TCEANC2: variants seen among roughly 807,000 people sequenced by gnomAD.
The protein encoded by TCEANC2 is transcription elongation factor A N-terminal and central domain containing 2, also known as transcription elongation factor A N-terminal and central domain-containing protein 2.
TCEANC2 carries 20 observed loss-of-function variants against 22.8 expected under a neutral mutation model. The ratio of observed to expected loss-of-function variants is 0.88; its 90% CI spans 0.62 to 1.28. The LOEUF (loss-of-function observed/expected upper bound fraction) is 1.28, where lower values mean the gene tolerates loss of function less well. Ranked by LOEUF, TCEANC2 falls within the 50% of genes most tolerant of loss-of-function variation. The pLI, the probability that TCEANC2 is intolerant of heterozygous loss-of-function variation, is 0.00. For synonymous variants in TCEANC2, 84 were observed against 95.5 expected (o/e 0.88, Z 0.70); for missense variants, 251 against 249.7 (o/e 1.01, Z -0.03).
At chr1:54,079,526 A>T (rs1169933330) in intron 3 of TCEANC2, among the ~76,000 whole-genome samples, 1 of 152,116 alleles carries the variant, frequency 6.6e-6, no homozygotes, top group Non-Finnish European at 1.5e-5. Context: ...TGCCTTTTCT[A>T]GTTTCTAGAG....
chr1:54,060,310 CAGA>C (rs1341296049), intron 2 of TCEANC2, among the ~76,000 whole-genome samples: 1 of 151,580 alleles, frequency 6.6e-6, no homozygotes, highest in African/African-American at 2.4e-5. Flanking sequence ...GAGGCTGAAG[CAGA>C]AGAATTGCTT....
intron 2 of TCEANC2, among the ~76,000 whole-genome samples, chr1:54,059,396 C>T (rs148410681): frequency 1.3e-5 from 2 of 152,326 alleles, no homozygotes; most frequent in East Asian, 3.9e-4. Flanking sequence ...AGGTGATCCA[C>T]CTGCCTTGGC....
intron 3 of TCEANC2, among the ~76,000 whole-genome samples, chr1:54,069,980 T>C (rs1482292006): frequency 6.6e-6 from 1 of 152,168 alleles, no homozygotes; most frequent in African/African-American, 2.4e-5. Context: ...CCCTCACTAG[T>C]GCAGCCATTG....
chr1:54,101,993 G>T lies in TCEANC2; in HGVS notation c.*5520G>T, dbSNP rs1170629181. 1 of 152,218 alleles carries T rather than the reference G, an allele frequency of 6.6e-6. No individual in the cohort carries two copies. Among genetic ancestry groups the T allele is most frequent in the Middle Eastern group, 3.1e-3 (1 of 318 alleles). The allele number at this position is 152,218 out of a possible 1,614,324, so 9.4% of individuals were successfully genotyped here. On this transcript the variant is annotated 3_prime_UTR_variant, in exon 5 of 5. Transcript: ENST00000234827. ...GCAGTGAGATTTTTAGGGGCCAATGGTCTGGGATGTGGCAGGGACATTCTC... is the reference window on the plus strand; with the variant it reads ...GCAGTGAGATTTTTAGGGGCCAATGTTCTGGGATGTGGCAGGGACATTCTC...
At position 54,062,449 on chromosome 1, in the gene TCEANC2, T is replaced by G. The variant is rs544687458; in HGVS notation, c.103-6307T>G. On this transcript the variant is annotated intron_variant, in intron 2 of 4. Transcript: ENST00000234827. ...TATTCCTGACCTAAAATTTCATATC[T>G]GAAAACTGTACTGTACTTAGTCCTT... Among the ~76,000 whole-genome samples the G allele has an allele frequency of 1.1e-4, 16 of 152,354 alleles. No individual in the cohort carries two copies. In the South Asian group the frequency reaches 3.3e-3, roughly 32 times the overall value.
chr1:54,079,385 C>G (rs1658199359), intron 3 of TCEANC2, among the ~76,000 whole-genome samples: 1 of 152,024 alleles, frequency 6.6e-6, no homozygotes, highest in African/African-American at 2.4e-5. Flanking sequence ...AATGACAAAG[C>G]TAAAATGTTC....
exon 5 of TCEANC2, chr1:54,111,255 T>G (rs1309113721): frequency 6.6e-6 from 1 of 152,230 alleles, no homozygotes; most frequent in East Asian, 1.9e-4. Flanking sequence ...ATCCCAAGCG[T>G]GTGGACCGAC....
chr1:54,076,917 A>G (rs1658154221), intron 3 of TCEANC2, among the ~76,000 whole-genome samples: 1 of 152,186 alleles, frequency 6.6e-6, no homozygotes, highest in Non-Finnish European at 1.5e-5. Flanking sequence ...AGAAAAAGTC[A>G]AGCAAGTTAA....
chr1:54,062,972 A>C (rs1479129492), intron 2 of TCEANC2, among the ~76,000 whole-genome samples: 3 of 152,212 alleles, frequency 2.0e-5, no homozygotes, highest in Non-Finnish European at 2.9e-5. Context: ...GAAATGCTGG[A>C]TTAAAAGTCT....
intron 3 of TCEANC2, among the ~76,000 whole-genome samples, chr1:54,084,675 A>G (rs1293059612): frequency 3.3e-5 from 5 of 152,118 alleles, no homozygotes; most frequent in Admixed American, 3.3e-4. Context: ...CAGCCTGGCC[A>G]ACATGGCAAA....
chr1:54,095,305 G>A (rs562735944), intron 4 of TCEANC2, among the ~76,000 whole-genome samples: 6 of 152,256 alleles, frequency 3.9e-5, no homozygotes, highest in Admixed American at 6.5e-5. Flanking sequence ...AGTGTTTTCC[G>A]TAGGGAAAGG....
intron 3 of TCEANC2, among the ~76,000 whole-genome samples, chr1:54,084,634 G>A (rs1321293417): frequency 6.6e-6 from 1 of 151,984 alleles, no homozygotes; most frequent in Non-Finnish European, 1.5e-5. Context: ...GGCCAAAGCG[G>A]GTGGACCACC....
At chr1:54,059,692 A>T (rs934398852) in intron 2 of TCEANC2, among the ~76,000 whole-genome samples, 28 of 152,148 alleles carry the variant, frequency 1.8e-4, no homozygotes, top group African/African-American at 6.5e-4. Flanking sequence ...ATCCACTATG[A>T]ATTCCTGAGA....
chr1:54,067,172 G>T (rs1352503532), intron 2 of TCEANC2, among the ~76,000 whole-genome samples: 1 of 152,178 alleles, frequency 6.6e-6, no homozygotes, highest in Non-Finnish European at 1.5e-5. Flanking sequence ...AGGAGAAGTG[G>T]GTATATTGGG....
intron 3 of TCEANC2, among the ~76,000 whole-genome samples, chr1:54,082,843 C>T (rs541764872): frequency 3.9e-5 from 6 of 152,160 alleles, no homozygotes; most frequent in East Asian, 1.9e-4. Context: ...TTTTATTAAG[C>T]GTATGGTATG....
intron 2 of TCEANC2, among the ~76,000 whole-genome samples, chr1:54,065,289 A>G (rs973774568): frequency 8.5e-5 from 13 of 152,264 alleles, no homozygotes; most frequent in African/African-American, 2.9e-4. Flanking sequence ...TGTATCATAC[A>G]GAAATGAAGA....
chr1:54,088,685 T>G lies in TCEANC2; in HGVS notation c.333T>G (p.Thr111=). The change falls in exon 4 of 5, where the codon ACT becomes ACG. Residue 111 remains threonine (T), a synonymous_variant. Transcript: ENST00000234827. ...REVYTEWKTF[T]EKHSNRPSIE... is the part of the protein sequence containing the mutation. The stretch of plus-strand genomic sequence containing the variant: ...TTTACACTGAGTGGAAAACTTTCAC[T>G]GAAAAACATTCAAATAGACCTTCTA... 6.2e-7 allele frequency: 1 copy of G among 1,611,408 alleles called. No individual in the cohort carries two copies. The highest frequency in any genetic ancestry group is 8.5e-7 in the Non-Finnish European group (1 of 1,179,208).
At chr1:54,059,685 C>A (rs1399206567) in intron 2 of TCEANC2, among the ~76,000 whole-genome samples, 1 of 152,138 alleles carries the variant, frequency 6.6e-6, no homozygotes, top group African/African-American at 2.4e-5. Context: ...TTCTCCAATC[C>A]ACTATGAATT....
rs560651593 is a variant in TCEANC2 at position 54,070,815 on chromosome 1, A to G, written c.244+1918A>G. ...GTACCTTTCCTGTGTTGGGAACTAT[A>G]TAGGCATAATAATGAAGGAGACAGA... On this transcript the variant is annotated intron_variant, in intron 3 of 4. Coordinates refer to ENST00000234827, the MANE Select transcript of TCEANC2 (RefSeq NM_153035.3). Among the ~76,000 whole-genome samples the G allele has an allele frequency of 2.5e-4, 38 of 152,360 alleles. 2 individuals carry two copies. The East Asian group carries it at 7.1e-3, about 29-fold the overall frequency.
Sources: gnomAD v4.1 joint callset for allele counts (sites outside exome capture counted in the v4.1 genomes callset) on GRCh38, gnomAD v4.1.1 for gene constraint, MANE v1.5 for transcripts, NCBI Gene and HGNC (gene_info 2026-07-23, HGNC 2026-07-21) for gene names.